Variants in FBLN2 observed in about 807,000 individuals in gnomAD.
The protein encoded by FBLN2 is fibulin-2.
In FBLN2, 81 loss-of-function variants were observed where a neutral mutation model predicts 123.7. The observed-to-expected ratio is 0.65, with a 90% CI of 0.55 to 0.79. FBLN2 has a LOEUF of 0.79. FBLN2 is among the 30% of genes least tolerant of loss of function. FBLN2 has a pLI of 0.00. For synonymous variants in FBLN2, 699 were observed against 701.4 expected, an observed-to-expected ratio of 1.00 and a Z score of 0.05; for missense variants, 1,603 against 1,681.3, an observed-to-expected ratio of 0.95 and a Z score of 0.81.
chr3:13,636,789 C>T (rs1014302575), intron 17 of FBLN2, among the ~76,000 whole-genome samples: 1 of 152,208 alleles, frequency 6.6e-6, no homozygotes, highest in Middle Eastern at 3.2e-3. Flanking sequence ...AAACACCAGC[C>T]CTCTTCCTCA....
chr3:13,638,198 A>C lies in FBLN2; in HGVS notation c.*279A>C, dbSNP rs1250114235. The C allele has an allele frequency of 1.6e-6, 1 of 622,096 alleles. No homozygotes were observed. 38.5% of individuals were successfully genotyped at this position (622,096 alleles called of 1,614,324 possible). ...GGCTGGGTGATGACCTGAGGACCAGAGACACGCGACCATGTTGGGGCTCTT... is the reference window on the plus strand; with the variant it reads ...GGCTGGGTGATGACCTGAGGACCAGCGACACGCGACCATGTTGGGGCTCTT... On this transcript the variant is annotated 3_prime_UTR_variant, in exon 18 of 18. Coordinates refer to ENST00000404922, the MANE Select transcript of FBLN2 (RefSeq NM_001004019.2).
At chr3:13,578,532 ATTCC>A (rs1328150406) in intron 2 of FBLN2, among the ~76,000 whole-genome samples, 2 of 152,218 alleles carry the variant, frequency 1.3e-5, no homozygotes, top group Non-Finnish European at 2.9e-5. Context: ...TGTGTCATTA[ATTCC>A]TTTTCATGGT....
At chr3:13,602,038 C>A (rs753027531) in intron 2 of FBLN2, among the ~76,000 whole-genome samples, 1 of 152,234 alleles carries the variant, frequency 6.6e-6, no homozygotes, top group Non-Finnish European at 1.5e-5. Flanking sequence ...AAGTGATCCT[C>A]CTGCTTCAGC....
At chr3:13,603,188 G>A (rs1405366474) in intron 2 of FBLN2, among the ~76,000 whole-genome samples, 6 of 151,456 alleles carry the variant, frequency 4.0e-5, no homozygotes, top group Admixed American at 3.9e-4. Context: ...TGGGATTACA[G>A]GTGTGAGCCA....
At chr3:13,569,080 G>T in intron 1 of FBLN2, 2 of 985,410 alleles carry the variant, frequency 2.0e-6, no homozygotes, top group Non-Finnish European at 2.4e-6. Context: ...ATAAGAGTCA[G>T]GTACGGCCAC....
rs1705782532 is a variant in FBLN2, at chr3:13,619,791, T to C, written c.2115T>C (p.Phe705=). The change falls in exon 8 of 18, where the codon TTT becomes TTC. Residue 705 remains phenylalanine, a synonymous_variant. Coordinates refer to ENST00000404922, the MANE Select transcript of FBLN2 (RefSeq NM_001004019.2). ...TVGGSAICSC[F]PGYAIMADGV... is the part of the protein sequence containing the mutation. ...GGGGCTCAGCCATATGCTCCTGTTT[T>C]CCCGGCTATGCCATCATGGCGGATG... The C allele has an allele frequency of 6.2e-7, 1 of 1,612,962 alleles. No homozygotes were observed. The highest frequency in any genetic ancestry group is 1.1e-5 in the South Asian group (1 of 90,840).
At chr3:13,563,021 T>A (rs1703653776) in intron 1 of FBLN2, among the ~76,000 whole-genome samples, 1 of 152,226 alleles carries the variant, frequency 6.6e-6, no homozygotes, top group Non-Finnish European at 1.5e-5. Flanking sequence ...TATCCATCCA[T>A]CCATTGATGG....
chr3:13,560,970 A>G (rs1233243654), intron 1 of FBLN2, among the ~76,000 whole-genome samples: 3 of 145,250 alleles, frequency 2.1e-5, no homozygotes, highest in South Asian at 2.1e-4. Context: ...CTTTGAAGGG[A>G]AAAAAACACA....
Position 13,629,153 on chromosome 3 carries a change from A to G in FBLN2, c.2714-11A>G, listed in dbSNP as rs756455520. 4.3e-6 allele frequency: 7 copies of G among 1,612,242 alleles called. No homozygotes were observed. The East Asian group carries it at 1.3e-4, about 31-fold the overall frequency. On this transcript the variant is annotated splice_polypyrimidine_tract_variant and intron_variant, in intron 12 of 17. Transcript: ENST00000404922. The stretch of plus-strand genomic sequence containing the variant: ...CCCCAGGCCTCAAGGTACCCTGCTC[A>G]CCCCCCACAGACGTGAATGAGTGTG...
intron 9 of FBLN2, among the ~76,000 whole-genome samples, chr3:13,623,648 T>C (rs1562808): frequency 0.76 from 115,852 of 152,138 alleles, 44,414 homozygotes; most frequent in East Asian, 0.98. Context: ...ATGCGAGGCT[T>C]ATGCTAGGAT....
intron 6 of FBLN2, among the ~76,000 whole-genome samples, chr3:13,618,490 G>C (rs1037612394): frequency 6.6e-6 from 1 of 152,202 alleles, no homozygotes; most frequent in Non-Finnish European, 1.5e-5. Flanking sequence ...CATCTGCAGG[G>C]ACCTGGCCCC....
Position 13,623,560 on chromosome 3 carries a change from A to T in FBLN2, c.2296+1645A>T, listed in dbSNP as rs571006543. Among the ~76,000 whole-genome samples, 5 of 152,132 alleles carry T rather than the reference A, an allele frequency of 3.3e-5. No homozygotes were observed. The South Asian group carries it at 1.0e-3, about 32-fold the overall frequency. On this transcript the variant is annotated intron_variant, in intron 9 of 17. Transcript: ENST00000404922. ...GCCGCGCGTTCTTTCCGTCATTTGTACGTCCACAAATGTCCACTGGGCTCT... is the reference window on the plus strand; with the variant it reads ...GCCGCGCGTTCTTTCCGTCATTTGTTCGTCCACAAATGTCCACTGGGCTCT...
At chr3:13,616,855 A>T (rs1472623437) in intron 5 of FBLN2, among the ~76,000 whole-genome samples, 1 of 152,190 alleles carries the variant, frequency 6.6e-6, no homozygotes, top group Non-Finnish European at 1.5e-5. Context: ...GGAGGCACAG[A>T]GAGGCCTAGT....
intron 2 of FBLN2, among the ~76,000 whole-genome samples, chr3:13,577,351 C>T (rs1180706859): frequency 1.3e-5 from 2 of 151,784 alleles, no homozygotes; most frequent in African/African-American, 2.4e-5. Flanking sequence ...AAAGAGGGAG[C>T]GGCGAGTGCA....
chr3:13,549,916 A>G (rs762465784), intron 1 of FBLN2, among the ~76,000 whole-genome samples: 1 of 152,178 alleles, frequency 6.6e-6, no homozygotes, highest in Non-Finnish European at 1.5e-5. Context: ...GCATGCCTCT[A>G]GCAGACAGTT....
intron 2 of FBLN2, among the ~76,000 whole-genome samples, chr3:13,605,506 G>C (rs968542249): frequency 6.6e-6 from 1 of 152,130 alleles, no homozygotes; most frequent in Non-Finnish European, 1.5e-5. Context: ...CTGTGTGTTG[G>C]TGTGTCCAGC....
rs1031955124 is a variant in FBLN2 at position 13,631,390 on chromosome 3, A to G, written c.3147A>G (p.Pro1049=). 6.2e-7 allele frequency: 1 copy of G among 1,602,250 alleles called. No individual in the cohort carries two copies. The highest frequency in any genetic ancestry group is 8.5e-7 in the Non-Finnish European group (1 of 1,174,776). Residue 1049 remains proline (P), a synonymous_variant, in exon 16 of 18, where the codon CCA becomes CCG. Transcript: ENST00000404922. ...ILCTFRCLNV[P]GSYQCACPEQ... is the part of the protein sequence containing the mutation. ...GCACCTTCCGCTGTCTCAACGTGCC[A>G]GGGAGCTACCAGTGTGCATGCCCTG...
At chr3:13,620,180 G>A (rs894242570) in intron 8 of FBLN2, among the ~76,000 whole-genome samples, 9 of 152,098 alleles carry the variant, frequency 5.9e-5, no homozygotes, top group Admixed American at 2.0e-4. Flanking sequence ...AGATTCTGCC[G>A]AATCCCCAAA....
chr3:13,629,382 A>G lies in FBLN2; in HGVS notation c.2842+90A>G. ...CCACCTCCCCATGCCCAGCACCTCC[A>G]CTGCCTGAGTGGGGCCCACCTGCTG... is the stretch of plus-strand genomic sequence containing the variant. On this transcript the variant is annotated intron_variant, in intron 13 of 17. Transcript: ENST00000404922. 4 of 1,454,224 alleles carry G rather than the reference A, an allele frequency of 2.8e-6. No homozygotes were observed. The South Asian group carries it at 4.1e-5, about 15-fold the overall frequency. 90.1% of individuals were successfully genotyped at this position (1,454,224 alleles called of 1,614,324 possible).
Sources: allele counts gnomAD v4.1 joint callset (sites outside exome capture counted in the v4.1 genomes callset), GRCh38; gene constraint gnomAD v4.1.1; transcripts MANE v1.5; gene names NCBI Gene and HGNC (gene_info 2026-07-23, HGNC 2026-07-21).